The following PAPPA2 variants were observed in gnomAD, a reference collection of about 807,000 sequenced individuals.
PAPPA2 encodes pappalysin-2.
A neutral mutation model predicts 176.4 loss-of-function variants in PAPPA2; 86 were observed. The observed-to-expected ratio is 0.49, with a 90% CI of 0.41 to 0.58. The LOEUF is 0.58. Ranked by LOEUF, PAPPA2 falls within the 20% of genes least tolerant of loss-of-function variation. The pLI is 0.00. For synonymous variants in PAPPA2, 809 were observed against 852.2 expected (o/e 0.95, Z 0.88); for missense variants, 2,073 against 2,256.9 (o/e 0.92, Z 1.65).
chr1:176,740,206 TCCC>T lies in PAPPA2; in HGVS notation c.4151+11_4151+13del. 1 of 1,609,530 alleles carries T rather than the reference TCCC, an allele frequency of 6.2e-7. No homozygotes were observed. The highest frequency in any genetic ancestry group is 1.1e-5 in the South Asian group (1 of 90,894). On this transcript the variant is annotated intron_variant, in intron 14 of 22. Transcript: ENST00000367662. ...ATCATCAGGGACAGAGGTACAAACT[TCCC>T]TTTCTTTCTTTTGTTTCCTTTTCTT... is the stretch of plus-strand genomic sequence containing the variant.
chr1:176,466,984 T>C (rs1217273677), intron 1 of PAPPA2, among the ~76,000 whole-genome samples: 1 of 152,162 alleles, frequency 6.6e-6, no homozygotes, highest in Non-Finnish European at 1.5e-5. Flanking sequence ...GAAACAGTCA[T>C]GTATCGCTTA....
intron 14 of PAPPA2, among the ~76,000 whole-genome samples, chr1:176,753,268 T>C (rs1197282364): frequency 1.3e-5 from 2 of 152,230 alleles, no homozygotes; most frequent in African/African-American, 4.8e-5. Context: ...CCATCCCTGC[T>C]GTAATCAGTC....
At chr1:176,795,013 G>T (rs940148446) in intron 20 of PAPPA2, among the ~76,000 whole-genome samples, 1 of 152,164 alleles carries the variant, frequency 6.6e-6, no homozygotes, top group Admixed American at 6.5e-5. Context: ...CAGCCGAATC[G>T]TCAATGGTGA....
At chr1:176,643,102 G>A (rs1159984015) in intron 3 of PAPPA2, among the ~76,000 whole-genome samples, 2 of 151,828 alleles carry the variant, frequency 1.3e-5, no homozygotes, top group Non-Finnish European at 2.9e-5. Flanking sequence ...TTATAAGTAG[G>A]CATATGCTAA....
At chr1:176,737,859 G>C (rs906313302) in intron 12 of PAPPA2, among the ~76,000 whole-genome samples, 2 of 152,048 alleles carry the variant, frequency 1.3e-5, no homozygotes, top group African/African-American at 4.8e-5. Context: ...CTTAAGGTGG[G>C]TATCTATTTT....
chr1:176,643,052 T>A (rs918187857), intron 3 of PAPPA2, among the ~76,000 whole-genome samples: 2 of 151,878 alleles, frequency 1.3e-5, no homozygotes, highest in Non-Finnish European at 2.9e-5. Flanking sequence ...AATCCAAAAT[T>A]AACAATAACA....
Position 176,710,053 on chromosome 1 carries a change from T to G in PAPPA2, c.3528T>G (p.Ile1176Met). The change falls in exon 11 of 23, where the codon ATT becomes ATG. Residue 1176 changes from isoleucine (I) to methionine (M), a missense_variant. This residue lies in a region of PAPPA2 where 846 missense variants were observed against 857.9 expected (regional missense o/e 0.99). Transcript: ENST00000367662. ...AACCTTTTGAGAGAAAAACCAGCAT[T>G]GTAGACTGTGGCATCTACACTCCCA... ...ICEPFERKTSIVDCGIYTPKG... is the reference protein window; with the variant it reads ...ICEPFERKTSMVDCGIYTPKG... 1 of 1,613,586 alleles carries G rather than the reference T, an allele frequency of 6.2e-7. No homozygotes were observed.
chr1:176,698,365 T>C (rs1191705108), intron 7 of PAPPA2, among the ~76,000 whole-genome samples: 2 of 152,206 alleles, frequency 1.3e-5, no homozygotes, highest in African/African-American at 4.8e-5. Flanking sequence ...TAGTTCTCGA[T>C]TCAACACTCT....
intron 2 of PAPPA2, among the ~76,000 whole-genome samples, chr1:176,558,423 G>A (rs1651456750): frequency 1.3e-5 from 2 of 152,190 alleles, no homozygotes; most frequent in Non-Finnish European, 2.9e-5. Flanking sequence ...CAAGGAGGGA[G>A]CCTCTTTCAA....
At chr1:176,530,346 G>A (rs960431711) in intron 1 of PAPPA2, among the ~76,000 whole-genome samples, 8 of 152,134 alleles carry the variant, frequency 5.3e-5, no homozygotes, top group African/African-American at 1.7e-4. Flanking sequence ...AAACTTAGAA[G>A]ACTGCTTTAA....
chr1:176,567,252 T>C (rs1465020674), intron 2 of PAPPA2, among the ~76,000 whole-genome samples: 1 of 152,196 alleles, frequency 6.6e-6, no homozygotes, highest in Non-Finnish European at 1.5e-5. Context: ...TGAGTCAGAA[T>C]TGAGTGGTGA....
chr1:176,545,111 C>T (rs1220055859), intron 1 of PAPPA2, among the ~76,000 whole-genome samples: 1 of 152,108 alleles, frequency 6.6e-6, no homozygotes, highest in Non-Finnish European at 1.5e-5. Flanking sequence ...TTCTCCCCTC[C>T]TTGGAAGTCA....
chr1:176,550,490 C>T (rs796659908), intron 1 of PAPPA2, among the ~76,000 whole-genome samples: 44 of 152,326 alleles, frequency 2.9e-4, no homozygotes, highest in African/African-American at 9.9e-4. Flanking sequence ...AAGGGCTCCA[C>T]GAGCTAGTTC....
intron 14 of PAPPA2, among the ~76,000 whole-genome samples, chr1:176,751,357 A>C (rs1251038713): frequency 4.1e-5 from 6 of 147,794 alleles, no homozygotes; most frequent in Non-Finnish European, 7.5e-5. Flanking sequence ...TAATTAAACT[A>C]AAGAGCTTCT....
At position 176,740,173 on chromosome 1, in the gene PAPPA2, G is replaced by C. The variant is rs202133200; in HGVS notation, c.4128G>C (p.Glu1376Asp). 4.2e-4 allele frequency: 675 copies of C among 1,613,640 alleles called. No homozygotes were observed. Among genetic ancestry groups the C allele is most frequent in the Non-Finnish European group, 5.3e-4 (621 of 1,179,820 alleles). The change falls in exon 14 of 23, where the codon GAG (glutamate) becomes GAC (aspartate). Residue 1376 changes from glutamate to aspartate, a missense_variant. Physicochemically the swap from Glu to Asp is conservative, Grantham distance 45. Transcript: ENST00000367662. ...SAPSNCISEDEGQNHQGQSCI... is the reference protein window; with the variant it reads ...SAPSNCISEDDGQNHQGQSCI... ...CCAGTAACTGCATCTCAGAGGACGA[G>C]GGGCAGAATCATCAGGGACAGAGGT...
chr1:176,614,023 T>A (rs1404757431), intron 3 of PAPPA2, among the ~76,000 whole-genome samples: 1 of 152,068 alleles, frequency 6.6e-6, no homozygotes, highest in Non-Finnish European at 1.5e-5. Context: ...ACAGGAGAGG[T>A]TGGGAAATAA....
intron 2 of PAPPA2, among the ~76,000 whole-genome samples, chr1:176,587,364 C>A (rs1381455546): frequency 1.3e-5 from 2 of 152,104 alleles, no homozygotes; most frequent in Non-Finnish European, 2.9e-5. Context: ...AGTCTTTGCC[C>A]ATGCCTATGT....
intron 20 of PAPPA2, among the ~76,000 whole-genome samples, chr1:176,797,848 T>C (rs1324581955): frequency 6.6e-6 from 1 of 152,202 alleles, no homozygotes; most frequent in Non-Finnish European, 1.5e-5. Context: ...ACTTGTTTTA[T>C]TAATGGCATA....
intron 1 of PAPPA2, among the ~76,000 whole-genome samples, chr1:176,514,509 G>A (rs764864499): frequency 2.6e-5 from 4 of 152,064 alleles, no homozygotes; most frequent in Admixed American, 6.6e-5. Flanking sequence ...CTTAACCCAC[G>A]TCTGCCTCTG....
Sources: allele counts gnomAD v4.1 joint callset (sites outside exome capture counted in the v4.1 genomes callset), GRCh38; gene constraint gnomAD v4.1.1; regional missense constraint gnomAD v4.1.1; transcripts MANE v1.5; gene names NCBI Gene and HGNC (gene_info 2026-07-23, HGNC 2026-07-21).